DUS2: variants seen among roughly 807,000 people sequenced by gnomAD.
DUS2 encodes the protein tRNA-dihydrouridine(20) synthase [NAD(P)+]-like.
DUS2 carries 52 observed loss-of-function variants against 71.3 expected under a neutral mutation model. The observed-to-expected ratio is 0.73, with a 90% CI of 0.58 to 0.92. The LOEUF (loss-of-function observed/expected upper bound fraction) is 0.92. Among genes scored for constraint, DUS2 ranks in the 40% least tolerant of loss-of-function variants. DUS2 has a pLI of 0.00. For missense variants in DUS2, 558 were observed against 622.6 expected (o/e 0.90, Z 1.10); for synonymous variants, 204 against 227.8 (o/e 0.90, Z 0.94).
chr16:68,047,810 T>A (rs767293916), intron 3 of DUS2, among the ~76,000 whole-genome samples: 177 of 148,908 alleles, frequency 1.2e-3, no homozygotes, highest in Non-Finnish European at 2.3e-3. Context: ...GAGACAGGTG[T>A]CACTCTGTTG....
intron 7 of DUS2, among the ~76,000 whole-genome samples, chr16:68,058,995 T>G (rs904366086): frequency 2.0e-5 from 3 of 152,160 alleles, no homozygotes; most frequent in African/African-American, 4.8e-5. Flanking sequence ...GCAGATCACC[T>G]GAGGTCAGGA....
In DUS2 at chr16:68,077,748, G is replaced by A. The variant is rs561652126; in HGVS notation, c.1171-697G>A. On this transcript the variant is annotated intron_variant, in intron 15 of 16. Transcript: ENST00000565263. ...GGCACAGAATTGAGCCCCAGATGTG[G>A]TGCCCCTGGGGTGGAAACCATGAGA... Among the ~76,000 whole-genome samples the A allele has an allele frequency of 6.6e-5, 10 of 152,320 alleles. No individual in the cohort carries two copies. In the South Asian group the frequency reaches 8.3e-4, roughly 13 times the overall value.
chr16:68,072,776 C>A (rs2151426022), intron 12 of DUS2, among the ~76,000 whole-genome samples: 1 of 152,348 alleles, frequency 6.6e-6, no homozygotes, highest in Middle Eastern at 3.4e-3. Context: ...TCCTGCCCTA[C>A]CTCTAGCCAG....
At chr16:68,035,105 G>A (rs2033497835) in intron 2 of DUS2, among the ~76,000 whole-genome samples, 1 of 152,012 alleles carries the variant, frequency 6.6e-6, no homozygotes, top group Admixed American at 6.6e-5. Flanking sequence ...AGTATTTCTA[G>A]AATGTGACCA....
At chr16:68,038,197 C>T in intron 3 of DUS2, 48 bp downstream of exon 3, 2 of 1,606,312 alleles carry the variant, frequency 1.2e-6, no homozygotes, top group Non-Finnish European at 1.7e-6. Context: ...AGTACAGACT[C>T]CTCTTCATTT....
chr16:68,054,855 C>G (rs1279434440), intron 6 of DUS2, among the ~76,000 whole-genome samples: 1 of 152,008 alleles, frequency 6.6e-6, no homozygotes, highest in African/African-American at 2.4e-5. Context: ...CCATCTTGGC[C>G]AACATGGTGA....
chr16:68,040,829 G>T (rs538636204), intron 3 of DUS2, among the ~76,000 whole-genome samples: 2 of 151,942 alleles, frequency 1.3e-5, no homozygotes, highest in Non-Finnish European at 2.9e-5. Context: ...TGGGGGTGGC[G>T]GGGGGGAGTT....
intron 3 of DUS2, among the ~76,000 whole-genome samples, chr16:68,046,085 G>A (rs1437455794): frequency 6.6e-6 from 1 of 152,074 alleles, no homozygotes; most frequent in Non-Finnish European, 1.5e-5. Flanking sequence ...TATATATGCG[G>A]ATTTGTTACA....
At chr16:68,026,743 G>A (rs914599134) in intron 2 of DUS2, among the ~76,000 whole-genome samples, 1 of 152,042 alleles carries the variant, frequency 6.6e-6, no homozygotes, top group East Asian at 1.9e-4. Flanking sequence ...GAGCATGGTG[G>A]CAGGCACCTG....
At chr16:68,033,774 G>A (rs1433770732) in intron 2 of DUS2, among the ~76,000 whole-genome samples, 1 of 151,596 alleles carries the variant, frequency 6.6e-6, no homozygotes, top group Non-Finnish European at 1.5e-5. Flanking sequence ...TGGGATTACA[G>A]GCGCATGCCA....
Position 68,078,314 on chromosome 16 carries a change from T to A in DUS2, c.1171-131T>A. The A allele has an allele frequency of 3.6e-6, 3 of 823,324 alleles. No homozygotes were observed. The East Asian group carries it at 7.3e-5, about 20-fold the overall frequency. The allele number at this position is 823,324 out of a possible 1,614,324, so 51.0% of individuals were successfully genotyped here. On this transcript the variant is annotated intron_variant, in intron 15 of 16. Coordinates refer to ENST00000565263, the MANE Select transcript of DUS2 (RefSeq NM_017803.5). ...TGGGCACTTTTGCTTGGGAGGAGCA[T>A]GTGATACAGGCAGCCTTCATTTGAC... is the stretch of plus-strand genomic sequence containing the variant.
intron 8 of DUS2, 65 bp from the exon 9 acceptor site, chr16:68,066,252 T>C: frequency 6.9e-7 from 1 of 1,443,288 alleles, no homozygotes; most frequent in Non-Finnish European, 9.8e-7. Context: ...CGGAGTTAAT[T>C]AGTACAGGCA....
rs764195717 is a variant in DUS2 at position 68,078,789 on chromosome 16, G to A, written c.1285G>A (p.Val429Ile). ...KKLAEQAAAI[V>I]CLRSQGLPEG... Reference sequence around the variant, plus strand: ...ACTGGCGGAGCAGGCTGCAGCCATCGTCTGTCTGCGGAGCCAGGGCCTCCC... The same window carrying A: ...ACTGGCGGAGCAGGCTGCAGCCATCATCTGTCTGCGGAGCCAGGGCCTCCC... The change falls in exon 17 of 17, where the codon GTC becomes ATC. Residue 429 changes from valine to isoleucine, a missense_variant. Coordinates refer to ENST00000565263, the MANE Select transcript of DUS2 (RefSeq NM_017803.5). The A allele has an allele frequency of 3.4e-5, 55 of 1,612,166 alleles. No homozygotes were observed. Among genetic ancestry groups the A allele is most frequent in the East Asian group, 1.1e-4 (5 of 44,864 alleles).
chr16:68,042,016 C>T (rs939637957), intron 3 of DUS2, among the ~76,000 whole-genome samples: 2 of 152,038 alleles, frequency 1.3e-5, no homozygotes, highest in African/African-American at 4.8e-5. Flanking sequence ...AACAGCAATT[C>T]CCCAGTTCCC....
chr16:68,076,235 C>T (rs527474575), intron 14 of DUS2, among the ~76,000 whole-genome samples: 25 of 152,244 alleles, frequency 1.6e-4, no homozygotes, highest in Middle Eastern at 6.8e-3. Context: ...TCAGGATGGG[C>T]GCTGAGCTAG....
At chr16:68,043,705 C>T (rs543357488) in intron 3 of DUS2, among the ~76,000 whole-genome samples, 47 of 152,126 alleles carry the variant, frequency 3.1e-4, no homozygotes, top group African/African-American at 9.6e-4. Context: ...TGCTCTGTTG[C>T]CCACGCAGGA....
At chr16:68,073,381 C>G (rs2034113955) in intron 12 of DUS2, among the ~76,000 whole-genome samples, 1 of 151,446 alleles carries the variant, frequency 6.6e-6, no homozygotes, top group Admixed American at 6.6e-5. Context: ...AAGCAATCCT[C>G]TTGCCTTAGC....
intron 3 of DUS2, among the ~76,000 whole-genome samples, chr16:68,039,482 G>A (rs902269461): frequency 8.6e-5 from 13 of 151,830 alleles, no homozygotes; most frequent in African/African-American, 1.7e-4. Flanking sequence ...GCAGTGGCGC[G>A]ATCTTGGCTC....
At chr16:68,066,439 G>A (rs1466028309) in intron 9 of DUS2, 57 bp downstream of exon 9, 1 of 1,599,018 alleles carries the variant, frequency 6.3e-7, no homozygotes, top group Non-Finnish European at 8.6e-7. Context: ...TTGGATTTAG[G>A]TTTGTGAACG....
Sources: allele counts gnomAD v4.1 joint callset (sites outside exome capture counted in the v4.1 genomes callset), GRCh38; gene constraint gnomAD v4.1.1; transcripts MANE v1.5; gene names NCBI Gene and HGNC (gene_info 2026-07-23, HGNC 2026-07-21).